The following DLG2 variants were observed in gnomAD, a reference collection of about 807,000 sequenced individuals.
The protein encoded by DLG2 is disks large homolog 2.
Under a neutral mutation model 132.5 loss-of-function variants are expected in DLG2, and 45 were observed. The ratio of observed to expected loss-of-function variants is 0.34; its 90% confidence interval spans 0.27 to 0.44. The LOEUF is 0.44. Among genes scored for constraint, DLG2 ranks in the 20% least tolerant of loss-of-function variants. The pLI, the probability that DLG2 is intolerant of heterozygous loss-of-function variation, is 1.00. For synonymous variants in DLG2, 424 were observed against 419.6 expected (o/e 1.01, Z -0.13); for missense variants, 1,045 against 1,196.9 (o/e 0.87, Z 1.87).
At chr11:84,598,370 C>A (rs2099568465) in intron 6 of DLG2, among the ~76,000 whole-genome samples, 2 of 152,166 alleles carry the variant, frequency 1.3e-5, no homozygotes, top group South Asian at 2.1e-4. Flanking sequence ...AAATCAGATT[C>A]TTTGAGGGTT....
chr11:84,075,250 A>C (rs1406642818), intron 10 of DLG2, among the ~76,000 whole-genome samples: 1 of 152,194 alleles, frequency 6.6e-6, no homozygotes. Flanking sequence ...AGCATTTATT[A>C]CCATATGATA....
At chr11:85,256,704 G>A (rs535674729) in intron 4 of DLG2, among the ~76,000 whole-genome samples, 23 of 152,162 alleles carry the variant, frequency 1.5e-4, no homozygotes, top group Non-Finnish European at 2.5e-4. Flanking sequence ...GAGGAGCCAC[G>A]CCCCTGTCGA....
intron 5 of DLG2, among the ~76,000 whole-genome samples, chr11:85,112,363 T>G (rs2072911712): frequency 1.3e-5 from 2 of 152,230 alleles, no homozygotes; most frequent in Middle Eastern, 3.4e-3. Context: ...CCTATACTTT[T>G]GTTGTAATTC....
intron 21 of DLG2, among the ~76,000 whole-genome samples, chr11:83,492,922 A>AAAT (rs1332823864): frequency 1.3e-5 from 2 of 152,040 alleles, no homozygotes; most frequent in African/African-American, 4.8e-5. Flanking sequence ...TGATCATTTA[A>AAAT]AATTGTAATT....
At chr11:84,781,561 A>G (rs1483088144) in intron 6 of DLG2, among the ~76,000 whole-genome samples, 1 of 152,050 alleles carries the variant, frequency 6.6e-6, no homozygotes, top group Non-Finnish European at 1.5e-5. Flanking sequence ...ATTGTCCTTT[A>G]AGTGCCAGAA....
At chr11:84,428,588 T>G (rs772940117) in intron 7 of DLG2, among the ~76,000 whole-genome samples, 1 of 152,208 alleles carries the variant, frequency 6.6e-6, no homozygotes, top group African/African-American at 2.4e-5. Context: ...GAGACAAAGA[T>G]GAAGAAATCT....
At chr11:83,949,161 T>C (rs1418245230) in intron 14 of DLG2, among the ~76,000 whole-genome samples, 1 of 152,164 alleles carries the variant, frequency 6.6e-6, no homozygotes, top group Non-Finnish European at 1.5e-5. Context: ...TCTTTTTCTC[T>C]AATGGGTTTA....
chr11:85,044,117 T>G (rs2062101142), intron 6 of DLG2, among the ~76,000 whole-genome samples: 1 of 152,026 alleles, frequency 6.6e-6, no homozygotes, highest in East Asian at 1.9e-4. Context: ...TCATCTTGTT[T>G]CACTTAGTAA....
chr11:83,527,538 T>A (rs946509721), intron 21 of DLG2, among the ~76,000 whole-genome samples: 1 of 149,334 alleles, frequency 6.7e-6, no homozygotes, highest in South Asian at 2.1e-4. Flanking sequence ...GAGAGAGACC[T>A]TGTCTCTACA....
At chr11:84,426,446 C>G (rs149234993) in intron 7 of DLG2, among the ~76,000 whole-genome samples, 1 of 152,156 alleles carries the variant, frequency 6.6e-6, no homozygotes, top group African/African-American at 2.4e-5. Flanking sequence ...GACATGCTAA[C>G]TGTGCATCTT....
Position 85,072,575 on chromosome 11 carries a change from C to T in DLG2, c.357+39086G>A, listed in dbSNP as rs79602827. Among the ~76,000 whole-genome samples the T allele has an allele frequency of 1.4e-3, 210 of 151,908 alleles. 1 individual carries two copies. Among genetic ancestry groups the T allele is most frequent in the East Asian group, 0.013 (67 of 5,128 alleles). Reference sequence around the variant, plus strand: ...CTTGCCAAGGGCTTTAAATACATTTCGTCATTTAATTATCATGGCAGTCTA... The same window carrying T: ...CTTGCCAAGGGCTTTAAATACATTTTGTCATTTAATTATCATGGCAGTCTA... On this transcript the variant is annotated intron_variant, in intron 6 of 27. Coordinates refer to ENST00000376104, the MANE Select transcript of DLG2 (RefSeq NM_001142699.3).
intron 19 of DLG2, among the ~76,000 whole-genome samples, chr11:83,557,538 T>C (rs553590923): frequency 2.8e-4 from 42 of 152,376 alleles, no homozygotes; most frequent in Non-Finnish European, 4.6e-4. Flanking sequence ...CTCTAGGCTC[T>C]GCATCATGGC....
chr11:84,594,208 G>A (rs552923771), intron 6 of DLG2, among the ~76,000 whole-genome samples: 3 of 152,248 alleles, frequency 2.0e-5, no homozygotes, highest in Non-Finnish European at 4.4e-5. Flanking sequence ...GCAATGATCT[G>A]ATTTCTTTAG....
At chr11:84,068,547 CA>C (rs1194831102) in intron 10 of DLG2, among the ~76,000 whole-genome samples, 1 of 140,694 alleles carries the variant, frequency 7.1e-6, no homozygotes, top group Non-Finnish European at 1.6e-5. Flanking sequence ...CCAGACTTAG[CA>C]AATAAAAATA....
chr11:84,673,022 G>A (rs999813914), intron 6 of DLG2, among the ~76,000 whole-genome samples: 11 of 151,906 alleles, frequency 7.2e-5, no homozygotes, highest in African/African-American at 1.7e-4. Flanking sequence ...CAGACTTAAC[G>A]AGAACTCACT....
intron 19 of DLG2, among the ~76,000 whole-genome samples, chr11:83,568,878 C>T (rs2096752161): frequency 6.6e-6 from 1 of 151,884 alleles, no homozygotes; most frequent in Non-Finnish European, 1.5e-5. Flanking sequence ...TGTCTGTTGA[C>T]CTATCCACAG....
At chr11:85,455,294 G>A (rs778026524) in intron 3 of DLG2, among the ~76,000 whole-genome samples, 1 of 152,034 alleles carries the variant, frequency 6.6e-6, no homozygotes, top group African/African-American at 2.4e-5. Context: ...AATTGTAAAC[G>A]GGATTGTGTT....
At chr11:84,167,876 G>A (rs2095707716) in intron 8 of DLG2, among the ~76,000 whole-genome samples, 1 of 152,150 alleles carries the variant, frequency 6.6e-6, no homozygotes, top group Non-Finnish European at 1.5e-5. Context: ...ATGTTGACAA[G>A]GCTGGTCTCA....
In DLG2 at chr11:84,777,301, A is replaced by G. The variant is rs867203995; in HGVS notation, c.358-242570T>C. ...TGTGTGTATATATATATATATATAT[A>G]TATATATATATATATATATATATAC... On this transcript the variant is annotated intron_variant, in intron 6 of 27. Coordinates refer to ENST00000376104, the MANE Select transcript of DLG2 (RefSeq NM_001142699.3). Among the ~76,000 whole-genome samples the G allele has an allele frequency of 1.4e-4, 19 of 131,186 alleles. 1 individual carries two copies. Among genetic ancestry groups the G allele is most frequent in the Admixed American group, 4.9e-4 (6 of 12,322 alleles). The allele number at this position is 131,186 out of a possible 152,430, so 86.1% of individuals were successfully genotyped here. A position where few individuals can be genotyped will look rare whatever the true frequency, so the allele number is the denominator to read the frequency against.
Sources: gnomAD v4.1 joint callset for allele counts (sites outside exome capture counted in the v4.1 genomes callset) on GRCh38, gnomAD v4.1.1 for gene constraint, MANE v1.5 for transcripts, NCBI Gene and HGNC (gene_info 2026-07-23, HGNC 2026-07-21) for gene names.